The following SP100 variants were observed in gnomAD, a reference collection of about 807,000 sequenced individuals.
SP100 encodes nuclear autoantigen Sp-100.
Under a neutral mutation model 130.0 loss-of-function variants are expected in SP100, and 84 were observed. The observed-to-expected ratio is 0.65, with a 90% CI of 0.54 to 0.77. The LOEUF is 0.77. SP100 is among the 30% of genes least tolerant of loss of function. The pLI is 0.00. For synonymous variants in SP100, 331 were observed against 351.7 expected, an observed-to-expected ratio of 0.94 and a Z score of 0.66; for missense variants, 978 against 1,052.2, an observed-to-expected ratio of 0.93 and a Z score of 0.97.
chr2:230,440,932 G>A (rs1378724000), intron 2 of SP100, among the ~76,000 whole-genome samples: 1 of 151,680 alleles, frequency 6.6e-6, no homozygotes, highest in Non-Finnish European at 1.5e-5. Context: ...TTCTTAGATA[G>A]TACACTAAAG....
chr2:230,448,882 G>A (rs1008199236), intron 5 of SP100, among the ~76,000 whole-genome samples: 3 of 152,166 alleles, frequency 2.0e-5, no homozygotes, highest in African/African-American at 7.2e-5. Flanking sequence ...TGTCATCCAG[G>A]GGTGCAGCTG....
In SP100 at chr2:230,416,247, G is replaced by C; in HGVS notation, c.-50G>C. On this transcript the variant is annotated 5_prime_UTR_variant, in exon 1 of 29. Coordinates refer to ENST00000340126, the MANE Select transcript of SP100 (RefSeq NM_001080391.2). ...ACTGCACGCAGGCTGGGCCGACTGA[G>C]GGGCTCAGAGGCCAGGCTCTGAGGC... The C allele has an allele frequency of 6.4e-7, 1 of 1,557,620 alleles. No individual in the cohort carries two copies.
At chr2:230,506,664 G>A in intron 22 of SP100, 2 of 441,420 alleles carry the variant, frequency 4.5e-6, no homozygotes, top group South Asian at 7.5e-5. Context: ...CCCTTTTGAA[G>A]GTTGGACAGT....
Position 230,460,674 on chromosome 2 carries a change from A to G in SP100, c.821-588A>G, listed in dbSNP as rs1241253918. Among the ~76,000 whole-genome samples, 5 of 61,274 alleles carry G rather than the reference A, an allele frequency of 8.2e-5. 2 individuals are homozygous for G. The highest frequency in any genetic ancestry group is 1.5e-4 in the Non-Finnish European group (5 of 34,432). 40.2% of individuals were successfully genotyped at this position (61,274 alleles called of 152,430 possible). A position where few individuals can be genotyped will look rare whatever the true frequency, so the allele number is the denominator to read the frequency against. On this transcript the variant is annotated intron_variant, in intron 8 of 28. Transcript: ENST00000340126. ...CTCTGTCGCCCAGGCCGGACTGCGG[A>G]CTGCAGTGGCGCAATCTCGGCTCAC...
intron 24 of SP100, among the ~76,000 whole-genome samples, chr2:230,529,933 C>G (rs1281294539): frequency 6.6e-6 from 1 of 152,022 alleles, no homozygotes; most frequent in African/African-American, 2.4e-5. Flanking sequence ...TAAAAGAGGA[C>G]CCAAACAAAT....
intron 2 of SP100, among the ~76,000 whole-genome samples, chr2:230,427,421 A>C (rs1284611558): frequency 1.3e-5 from 2 of 152,112 alleles, no homozygotes; most frequent in Non-Finnish European, 2.9e-5. Flanking sequence ...TGGGCCTTCC[A>C]AAGTGCTGGG....
chr2:230,494,318 G>T, intron 17 of SP100, 98 bp from the exon 18 acceptor site: 1 of 988,030 alleles, frequency 1.0e-6, no homozygotes, highest in Non-Finnish European at 1.6e-6. Flanking sequence ...AAAGTAGAAG[G>T]AAAACAAAAT....
chr2:230,457,428 T>C (rs187275018), intron 8 of SP100, among the ~76,000 whole-genome samples: 183 of 152,274 alleles, frequency 1.2e-3, no homozygotes, highest in African/African-American at 4.2e-3. Flanking sequence ...GCCTGAGTCC[T>C]GGGGCTGCAG....
chr2:230,500,573 A>AG (rs2066964089), intron 19 of SP100, among the ~76,000 whole-genome samples: 6 of 152,242 alleles, frequency 3.9e-5, no homozygotes, highest in Non-Finnish European at 7.3e-5. Flanking sequence ...TTATGGCCAG[A>AG]GCTGGATCTC....
rs1559490288 is a variant in SP100, at chr2:230,443,100, G to T, written c.270+1G>T. On this transcript the variant is annotated splice_donor_variant, in intron 3 of 28. Coordinates refer to ENST00000340126, the MANE Select transcript of SP100 (RefSeq NM_001080391.2). LOFTEE classifies it high-confidence loss of function. ...TCTCATCACAAATAAAATGTTTGAA[G>T]TAAGTAAAGTTTATTATGTCACAAT... 1.2e-6 allele frequency: 2 copies of T among 1,613,564 alleles called. No homozygotes were observed. The highest frequency in any genetic ancestry group is 1.7e-6 in the Non-Finnish European group (2 of 1,179,650).
chr2:230,480,809 A>C (rs937195448), intron 17 of SP100, among the ~76,000 whole-genome samples: 1 of 152,142 alleles, frequency 6.6e-6, no homozygotes. Context: ...TTCTGACTGG[A>C]AGTTGTGGCT....
At chr2:230,469,218 G>T (rs1403826220) in intron 14 of SP100, 122 bp downstream of exon 14, 9 of 666,568 alleles carry the variant, frequency 1.4e-5, no homozygotes, top group Non-Finnish European at 2.0e-5. Context: ...TAGATGATTT[G>T]CATTTTACAT....
intron 24 of SP100, among the ~76,000 whole-genome samples, chr2:230,537,423 A>C (rs1400250904): frequency 6.6e-6 from 1 of 152,184 alleles, no homozygotes; most frequent in Non-Finnish European, 1.5e-5. Flanking sequence ...ACCCTTCAGT[A>C]GTCAAACAGC....
chr2:230,543,240 C>T lies in SP100; in HGVS notation c.*294C>T, dbSNP rs1692240633. 1 of 202,720 alleles carries T rather than the reference C, an allele frequency of 4.9e-6. No homozygotes were observed. The highest frequency in any genetic ancestry group is 1.0e-5 in the Non-Finnish European group (1 of 100,244). The allele number at this position is 202,720 out of a possible 1,614,324, so 12.6% of individuals were successfully genotyped here. On this transcript the variant is annotated 3_prime_UTR_variant, in exon 29 of 29. Transcript: ENST00000340126. ...GCAAAAGAAGCATTCCCCTTGAAAA[C>T]AAGCACAAGACAAGGATTCCCTCTC...
chr2:230,524,100 G>A (rs1200835777), intron 24 of SP100, among the ~76,000 whole-genome samples: 8 of 146,762 alleles, frequency 5.5e-5, no homozygotes, highest in Admixed American at 1.4e-4. Flanking sequence ...TTGAGAGGCC[G>A]AGGCAGGTGG....
At chr2:230,425,518 T>A (rs1476038574) in intron 2 of SP100, among the ~76,000 whole-genome samples, 2 of 152,254 alleles carry the variant, frequency 1.3e-5, no homozygotes, top group Non-Finnish European at 1.5e-5. Flanking sequence ...AATGTTCATA[T>A]GATTTTTGTC....
At chr2:230,541,445 G>T in intron 27 of SP100, 73 bp downstream of exon 27, 1 of 1,308,352 alleles carries the variant, frequency 7.6e-7, no homozygotes, top group African/African-American at 1.5e-5. Context: ...ATGGCACAAG[G>T]TGCCATTCTA....
chr2:230,416,378 G>A (rs1157045112), intron 1 of SP100, 50 bp downstream of exon 1: 7 of 1,521,606 alleles, frequency 4.6e-6, no homozygotes, highest in Non-Finnish European at 6.4e-6. Context: ...CTATATTGCA[G>A]CTTTCATGCC....
intron 1 of SP100, among the ~76,000 whole-genome samples, chr2:230,417,220 G>A (rs937431070): frequency 5.3e-5 from 8 of 151,900 alleles, no homozygotes; most frequent in Admixed American, 3.3e-4. Context: ...TTGTAAATAC[G>A]TAATTTATGT....
Sources: allele counts gnomAD v4.1 joint callset (sites outside exome capture counted in the v4.1 genomes callset), GRCh38; gene constraint gnomAD v4.1.1; transcripts MANE v1.5; gene names NCBI Gene and HGNC (gene_info 2026-07-23, HGNC 2026-07-21).